The following PTPRJ variants were observed in gnomAD, a reference collection of about 807,000 sequenced individuals.
PTPRJ encodes receptor-type tyrosine-protein phosphatase eta.
In PTPRJ, 129 loss-of-function variants were observed where a neutral mutation model predicts 141.3. That is an observed-to-expected ratio of 0.91 (90% CI 0.79 to 1.06). The LOEUF (loss-of-function observed/expected upper bound fraction) is 1.06. PTPRJ is among the 50% of genes least tolerant of loss of function. The pLI, the probability that PTPRJ is intolerant of heterozygous loss-of-function variation, is 0.00. For missense variants in PTPRJ, 1,601 were observed against 1,679.7 expected, an observed-to-expected ratio of 0.95 and a Z score of 0.82; for synonymous variants, 610 against 640.5, an observed-to-expected ratio of 0.95 and a Z score of 0.72.
At chr11:48,143,639 G>T (rs1252899084) in intron 12 of PTPRJ, among the ~76,000 whole-genome samples, 3 of 152,198 alleles carry the variant, frequency 2.0e-5, no homozygotes, top group African/African-American at 4.8e-5. Context: ...ATTAAAAGCT[G>T]CTTTTCCTTA....
chr11:48,094,544 A>G (rs1855953186), intron 1 of PTPRJ, among the ~76,000 whole-genome samples: 1 of 152,192 alleles, frequency 6.6e-6, no homozygotes, highest in African/African-American at 2.4e-5. Context: ...TGCTGGCCCA[A>G]CCTTTTGATT....
At chr11:48,009,993 A>G (rs1017674971) in intron 1 of PTPRJ, among the ~76,000 whole-genome samples, 34 of 152,176 alleles carry the variant, frequency 2.2e-4, no homozygotes, top group African/African-American at 8.2e-4. Flanking sequence ...CTGGACATAC[A>G]TACTCTGGGG....
intron 1 of PTPRJ, among the ~76,000 whole-genome samples, chr11:48,104,277 C>T (rs1856232360): frequency 6.6e-6 from 1 of 152,158 alleles, no homozygotes; most frequent in African/African-American, 2.4e-5. Context: ...CCCACCCAGC[C>T]TGTCATTTTA....
At chr11:48,146,802 C>A (rs1283525983) in intron 14 of PTPRJ, 74 bp from the exon 15 acceptor site, 1 of 1,212,642 alleles carries the variant, frequency 8.2e-7, no homozygotes, top group East Asian at 2.3e-5. Context: ...GTTAGGGTCC[C>A]AGGCCAGTTT....
chr11:47,998,642 G>T (rs773246791), intron 1 of PTPRJ, among the ~76,000 whole-genome samples: 5 of 152,176 alleles, frequency 3.3e-5, no homozygotes, highest in African/African-American at 4.8e-5. Context: ...TCAAGATTCC[G>T]TGAAAAAATG....
chr11:48,136,199 T>A lies in PTPRJ; in HGVS notation c.1776T>A (p.Thr592=), dbSNP rs749161859. The A allele has an allele frequency of 6.8e-6, 11 of 1,614,174 alleles. No individual in the cohort carries two copies. The highest frequency in any genetic ancestry group is 2.5e-6 in the Non-Finnish European group (3 of 1,180,044). ...NHTSTYDKAI[T]LQGLIPGTLY... ...CAAGCACGTATGACAAAGCGATTACTCTCCAGGGCCTGATTCCGGGCACCT... is the reference window on the plus strand; with the variant it reads ...CAAGCACGTATGACAAAGCGATTACACTCCAGGGCCTGATTCCGGGCACCT... The change falls in exon 9 of 25, where the codon ACT becomes ACA. Residue 592 remains threonine, a synonymous_variant. Coordinates refer to ENST00000418331, the MANE Select transcript of PTPRJ (RefSeq NM_002843.4).
chr11:48,088,333 G>T (rs1355517420), intron 1 of PTPRJ, among the ~76,000 whole-genome samples: 1 of 152,182 alleles, frequency 6.6e-6, no homozygotes, highest in African/African-American at 2.4e-5. Context: ...CATCCTGGCA[G>T]ATATCAAGAC....
At chr11:48,029,199 T>A (rs1239120582) in intron 1 of PTPRJ, among the ~76,000 whole-genome samples, 2 of 152,154 alleles carry the variant, frequency 1.3e-5, no homozygotes, top group African/African-American at 4.8e-5. Flanking sequence ...TGTGGGCTCA[T>A]CTTCTTGGGT....
intron 1 of PTPRJ, among the ~76,000 whole-genome samples, chr11:48,053,331 AATATATT>A (rs1305327764): frequency 1.1e-5 from 1 of 93,090 alleles, no homozygotes; most frequent in Non-Finnish European, 1.9e-5. Flanking sequence ...ATTATATATT[AATATATT>A]ATATATTATA....
At chr11:48,143,886 C>T (rs1190003911) in intron 12 of PTPRJ, among the ~76,000 whole-genome samples, 1 of 148,836 alleles carries the variant, frequency 6.7e-6, no homozygotes, top group African/African-American at 2.5e-5. Flanking sequence ...CTTCCCCTTC[C>T]CTCTTTCTTT....
At chr11:48,102,912 C>T (rs1165040035) in intron 1 of PTPRJ, among the ~76,000 whole-genome samples, 1 of 151,944 alleles carries the variant, frequency 6.6e-6, no homozygotes, top group Non-Finnish European at 1.5e-5. Flanking sequence ...AGAGATTAGC[C>T]CTGTGGAGGA....
chr11:48,029,305 TA>T (rs933979961), intron 1 of PTPRJ, among the ~76,000 whole-genome samples: 1 of 152,226 alleles, frequency 6.6e-6, no homozygotes, highest in Admixed American at 6.5e-5. Flanking sequence ...CCATGAATAA[TA>T]ACTATGATTT....
intron 1 of PTPRJ, among the ~76,000 whole-genome samples, chr11:48,089,033 C>T (rs1299013822): frequency 1.0e-5 from 1 of 97,368 alleles, no homozygotes; most frequent in Non-Finnish European, 2.3e-5. Context: ...TTTTCATCCC[C>T]GGTTAGCGTG....
intron 13 of PTPRJ, 43 bp from the exon 14 acceptor site, chr11:48,144,957 G>T (rs753960411): frequency 6.8e-6 from 11 of 1,614,120 alleles, no homozygotes; most frequent in Non-Finnish European, 9.3e-6. Context: ...CCTGCGGTCA[G>T]ACACGTCTCA....
intron 8 of PTPRJ, among the ~76,000 whole-genome samples, chr11:48,131,070 A>ATTTTTTTTTT (rs71045547): frequency 2.1e-5 from 1 of 46,568 alleles, no homozygotes; most frequent in African/African-American, 6.8e-5. Context: ...ATATATATAT[A>ATTTTTTTTTT]TTTTTTTTTT....
intron 8 of PTPRJ, among the ~76,000 whole-genome samples, chr11:48,135,331 C>G (rs539236791): frequency 6.6e-6 from 1 of 151,776 alleles, no homozygotes; most frequent in African/African-American, 2.4e-5. Flanking sequence ...TGCACCACCA[C>G]GCCCGGCTAA....
rs1487015612 is a variant in PTPRJ, at chr11:48,168,247, C to G, written c.*885C>G. On this transcript the variant is annotated 3_prime_UTR_variant, in exon 25 of 25. Transcript: ENST00000418331. The stretch of plus-strand genomic sequence containing the variant: ...AGAGGAATCCTACAGTGGCAGAAAT[C>G]CTTTTCTTGTCCCTGTATTATCCTT... The G allele has an allele frequency of 2.0e-5, 3 of 151,864 alleles. No individual in the cohort carries two copies. The highest frequency in any genetic ancestry group is 2.9e-5 in the Non-Finnish European group (2 of 67,996). The allele number at this position is 151,864 out of a possible 1,614,324, so 9.4% of individuals were successfully genotyped here.
chr11:48,063,825 G>A (rs1484970757), intron 1 of PTPRJ, among the ~76,000 whole-genome samples: 1 of 152,070 alleles, frequency 6.6e-6, no homozygotes, highest in Non-Finnish European at 1.5e-5. Flanking sequence ...TTATGTGAGG[G>A]GAACTTTTTC....
chr11:48,151,389 G>A (rs1565329183), intron 18 of PTPRJ, among the ~76,000 whole-genome samples: 1 of 149,270 alleles, frequency 6.7e-6, no homozygotes, highest in Non-Finnish European at 1.5e-5. Flanking sequence ...AAGGACACTA[G>A]TCATATGGGA....
Sources: gnomAD v4.1 joint callset for allele counts (sites outside exome capture counted in the v4.1 genomes callset) on GRCh38, gnomAD v4.1.1 for gene constraint, MANE v1.5 for transcripts, NCBI Gene and HGNC (gene_info 2026-07-23, HGNC 2026-07-21) for gene names.